Variants in GALM observed in about 807,000 individuals in gnomAD.
GALM encodes aldose 1-epimerase.
GALM carries 43 observed loss-of-function variants against 37.4 expected under a neutral mutation model. The ratio of observed to expected loss-of-function variants is 1.15; its 90% CI spans 0.90 to 1.48. GALM has a LOEUF of 1.48. Among genes scored for constraint, GALM ranks in the 40% most tolerant of loss-of-function variants. The pLI is 0.00. For synonymous variants in GALM, 199 were observed against 170.6 expected, an observed-to-expected ratio of 1.17 and a Z score of -1.30; for missense variants, 456 against 419.1, an observed-to-expected ratio of 1.09 and a Z score of -0.77.
At chr2:38,718,679 T>C (rs1666317463) in intron 4 of GALM, among the ~76,000 whole-genome samples, 1 of 151,838 alleles carries the variant, frequency 6.6e-6, no homozygotes, top group African/African-American at 2.4e-5. Context: ...AGCAGGACTG[T>C]GGTTTTATTC....
chr2:38,681,681 T>G (rs1424264150), intron 3 of GALM, among the ~76,000 whole-genome samples, 195 bp downstream of exon 3: 1 of 152,256 alleles, frequency 6.6e-6, no homozygotes, highest in Non-Finnish European at 1.5e-5. Flanking sequence ...GATTACATTG[T>G]ACTGCCAAGA....
chr2:38,723,996 T>G (rs999643494), intron 4 of GALM, among the ~76,000 whole-genome samples: 4 of 151,866 alleles, frequency 2.6e-5, no homozygotes, highest in Non-Finnish European at 4.4e-5. Context: ...CTCAGCTCAC[T>G]GCAAGCTCCA....
chr2:38,703,056 A>T (rs866925352), intron 4 of GALM, among the ~76,000 whole-genome samples: 16 of 1,522 alleles, frequency 0.011, no homozygotes, highest in African/African-American at 0.019. Flanking sequence ...GTGGGATTTT[A>T]TATATATATA....
intron 4 of GALM, among the ~76,000 whole-genome samples, chr2:38,707,704 G>C (rs1044932006): frequency 1.3e-5 from 2 of 152,178 alleles, no homozygotes; most frequent in African/African-American, 4.8e-5. Flanking sequence ...AACCCTGCCA[G>C]GCACAGTGCC....
chr2:38,706,980 C>G (rs533398697), intron 4 of GALM, among the ~76,000 whole-genome samples: 1 of 151,548 alleles, frequency 6.6e-6, no homozygotes, highest in South Asian at 2.1e-4. Context: ...AGGTAAAACT[C>G]AGGAGGCCTG....
chr2:38,709,407 A>C (rs1465646021), intron 4 of GALM, among the ~76,000 whole-genome samples: 1 of 152,164 alleles, frequency 6.6e-6, no homozygotes, highest in Non-Finnish European at 1.5e-5. Context: ...CGTGGTCCCA[A>C]CCATGAAGCG....
At chr2:38,730,178 A>G (rs966024935) in intron 5 of GALM, among the ~76,000 whole-genome samples, 3 of 152,186 alleles carry the variant, frequency 2.0e-5, no homozygotes, top group African/African-American at 7.2e-5. Flanking sequence ...ATGCCATTTC[A>G]TCTTTGTGAA....
intron 4 of GALM, among the ~76,000 whole-genome samples, chr2:38,717,845 C>A: frequency 6.7e-6 from 1 of 149,912 alleles, no homozygotes; most frequent in Non-Finnish European, 1.5e-5. Context: ...AAACCATTTT[C>A]TTTTTTTTTG....
chr2:38,672,220 A>G (rs1665124463), intron 1 of GALM, among the ~76,000 whole-genome samples: 1 of 152,134 alleles, frequency 6.6e-6, no homozygotes, highest in African/African-American at 2.4e-5. Context: ...CCTCTGGCAG[A>G]GAGCGGGAGC....
intron 4 of GALM, among the ~76,000 whole-genome samples, chr2:38,706,529 A>C (rs1437046744): frequency 1.3e-5 from 2 of 149,226 alleles, no homozygotes; most frequent in African/African-American, 2.5e-5. Flanking sequence ...AAAAAAAAAA[A>C]ATTAGCCAGG....
At position 38,698,458 on chromosome 2, in the gene GALM, G is replaced by C. The variant is rs933201707; in HGVS notation, c.634+8564G>C. The stretch of plus-strand genomic sequence containing the variant: ...GCAGGTACACTGTCAGGCTGTGTTT[G>C]GATGTTAGCAGTTAATTTAGCTCTG... On this transcript the variant is annotated intron_variant, in intron 4 of 6. Transcript: ENST00000272252. 10 of 1,238,924 alleles carry C rather than the reference G, an allele frequency of 8.1e-6. No individual in the cohort carries two copies. The African/African-American group carries it at 1.4e-4, about 17-fold the overall frequency. The allele number at this position is 1,238,924 out of a possible 1,614,324, so 76.7% of individuals were successfully genotyped here. A position where few individuals can be genotyped will look rare whatever the true frequency, so the allele number is the denominator to read the frequency against.
In GALM at chr2:38,668,774, A is replaced by T. The variant is rs1665017662; in HGVS notation, c.190+2423A>T. 1.3e-5 allele frequency: 2 copies of T among 151,624 alleles called. 1 individual carries two copies. Among genetic ancestry groups the T allele is most frequent in the South Asian group, 4.2e-4 (2 of 4,810 alleles). 9.4% of individuals were successfully genotyped at this position (151,624 alleles called of 1,614,324 possible). ...TGAGACCCTGTCTCTAAAATAAATA[A>T]AAATAAATAAATAAATAAATAAATT... On this transcript the variant is annotated intron_variant, in intron 1 of 6. Transcript: ENST00000272252.
intron 3 of GALM, among the ~76,000 whole-genome samples, chr2:38,688,948 G>A (rs551802090): frequency 0.015 from 2,310 of 152,252 alleles, 29 homozygotes; most frequent in Non-Finnish European, 0.025. Flanking sequence ...AGCCTCCTGA[G>A]TAGCTGAGAT....
chr2:38,669,401 C>G (rs1025016244), intron 1 of GALM: 3 of 152,298 alleles, frequency 2.0e-5, no homozygotes, highest in African/African-American at 7.2e-5. Flanking sequence ...CCCTCTCACG[C>G]AGACCCCCTT....
At chr2:38,707,887 C>T (rs1302611339) in intron 4 of GALM, among the ~76,000 whole-genome samples, 1 of 151,964 alleles carries the variant, frequency 6.6e-6, no homozygotes, top group African/African-American at 2.4e-5. Context: ...GTGGGTGGAT[C>T]ACTTGAGGTC....
intron 4 of GALM, among the ~76,000 whole-genome samples, chr2:38,708,755 T>C (rs1226254122): frequency 6.9e-6 from 1 of 144,514 alleles, no homozygotes; most frequent in Non-Finnish European, 1.5e-5. Context: ...AAAAAGAAAG[T>C]GCTGTCAACA....
At chr2:38,729,518 G>C in intron 4 of GALM, 38 bp from the exon 5 acceptor site, 2 of 1,599,314 alleles carry the variant, frequency 1.3e-6, no homozygotes, top group South Asian at 2.2e-5. Flanking sequence ...ATGAGACTTG[G>C]GCATTTATCA....
At chr2:38,708,325 A>T (rs1666082653) in intron 4 of GALM, among the ~76,000 whole-genome samples, 1 of 151,802 alleles carries the variant, frequency 6.6e-6, no homozygotes, top group African/African-American at 2.4e-5. Flanking sequence ...AATAAAAATA[A>T]ATAAAAAAGA....
At chr2:38,696,381 A>T (rs1191788997) in intron 4 of GALM, among the ~76,000 whole-genome samples, 1 of 151,288 alleles carries the variant, frequency 6.6e-6, no homozygotes. Context: ...AGCCTCCCAA[A>T]GTGCTGGGAT....
Sources: allele counts gnomAD v4.1 joint callset (sites outside exome capture counted in the v4.1 genomes callset), GRCh38; gene constraint gnomAD v4.1.1; transcripts MANE v1.5; gene names NCBI Gene and HGNC (gene_info 2026-07-23, HGNC 2026-07-21).